Variants in PLAGL1 observed in about 807,000 individuals in gnomAD.
PLAGL1 encodes zinc finger protein PLAGL1.
PLAGL1 carries 1 observed loss-of-function variant against 4.6 expected under a neutral mutation model. That is an observed-to-expected ratio of 0.22 (90% CI 0.08 to 1.03). The LOEUF is 1.03. Ranked by LOEUF, PLAGL1 falls within the 50% of genes least tolerant of loss-of-function variation. PLAGL1 has a pLI of 0.58. For missense variants in PLAGL1, 464 were observed against 570.4 expected, an observed-to-expected ratio of 0.81 and a Z score of 1.90; for synonymous variants, 240 against 237.8, an observed-to-expected ratio of 1.01 and a Z score of -0.08.
rs1452663052 is a variant in PLAGL1 at position 143,989,373 on chromosome 6, C to T, written c.-583-4199G>A. Among the ~76,000 whole-genome samples the T allele has an allele frequency of 6.6e-6, 1 of 152,196 alleles. No homozygotes were observed. The highest frequency in any genetic ancestry group is 1.5e-5 in the Non-Finnish European group (1 of 68,028). On this transcript the variant is annotated intron_variant, in intron 1 of 7. Transcript: ENST00000674357. The surrounding 1 kb of genome is among the most constrained non-coding windows in gnomAD (Gnocchi z 4.8). ...CAGGTATTTCTGGATGAAATCAACA[C>T]TTGTGTTGGTGGAGTTCGGAGCATA...
rs1583916809 is a variant in PLAGL1 at position 144,057,975 on chromosome 6, T to A, written c.-151+6493A>T. Among the ~76,000 whole-genome samples the A allele has an allele frequency of 2.0e-5, 3 of 152,288 alleles. No homozygotes were observed. In the South Asian group the frequency reaches 6.2e-4, roughly 32 times the overall value. The stretch of plus-strand genomic sequence containing the variant: ...CATCTCTAATAAGATTGACTCCAAA[T>A]TTATACACCTATACTAAAGCTAAAA... On this transcript the variant is annotated intron_variant, in intron 1 of 3. Coordinates refer to the PLAGL1 transcript ENST00000437412.
In PLAGL1 at chr6:144,025,035, G is replaced by A. The variant is rs993747567; in HGVS notation, c.-151+39433C>T. On this transcript the variant is annotated intron_variant, in intron 1 of 3. Transcript: ENST00000437412. The stretch of plus-strand genomic sequence containing the variant: ...GCATGTACAGCCCTCCTTCCAAAGT[G>A]TACATTATAGAGGGGGGAGGGGTGA... Among the ~76,000 whole-genome samples, 7 of 152,102 alleles carry A rather than the reference G, an allele frequency of 4.6e-5. No homozygotes were observed. The East Asian group carries it at 1.2e-3, about 25-fold the overall frequency.
rs2128548989 is a variant in PLAGL1 at position 143,957,916 on chromosome 6, T to G, written c.-325+2553A>C. On this transcript the variant is annotated intron_variant, in intron 6 of 7. Coordinates refer to ENST00000674357, the MANE Select transcript of PLAGL1 (RefSeq NM_001317162.2). This position sits in a 1 kb window ranked among gnomAD's most constrained non-coding sequence, Gnocchi z 4.2. ...TGTTTATTTTTTGAATATCTGCACTTTCTAAAGTTTGATAATGACTACTTA... is the reference window on the plus strand; with the variant it reads ...TGTTTATTTTTTGAATATCTGCACTGTCTAAAGTTTGATAATGACTACTTA... Among the ~76,000 whole-genome samples the G allele has an allele frequency of 6.6e-6, 1 of 152,362 alleles. No homozygotes were observed. The highest frequency in any genetic ancestry group is 6.5e-5 in the Admixed American group (1 of 15,310).
At chr6:143,999,242 G>T (rs773334889) in intron 1 of PLAGL1, among the ~76,000 whole-genome samples, 3 of 152,114 alleles carry the variant, frequency 2.0e-5, no homozygotes, top group Non-Finnish European at 4.4e-5. Context: ...TTCCCTGAAT[G>T]ATATAAATAG....
In PLAGL1 at chr6:144,036,911, T is replaced by TG. The variant is rs1394374945; in HGVS notation, c.-151+27556dup. The TG allele has an allele frequency of 4.3e-6, 1 of 231,426 alleles. No homozygotes were observed. Among genetic ancestry groups the TG allele is most frequent in the Non-Finnish European group, 8.8e-6 (1 of 114,050 alleles). The allele number at this position is 231,426 out of a possible 1,614,324, so 14.3% of individuals were successfully genotyped here. ...AAATCATAAAAGGACCAGACATTGC[T>TG]GTGATGAATTATATGCCCTGGAGAG... On this transcript the variant is annotated intron_variant, in intron 1 of 3. Transcript: ENST00000437412. The surrounding 1 kb of genome is among the most constrained non-coding windows in gnomAD (Gnocchi z 5.1).
At position 143,971,205 on chromosome 6, in the gene PLAGL1, C is replaced by T. The variant is rs999495802; in HGVS notation, c.-543-2227G>A. ...GAAATCTAAAATCTCAGAATCACAT[C>T]CCGCTGACCCGACGTTATTTGTACA... On this transcript the variant is annotated intron_variant, in intron 2 of 7. Coordinates refer to ENST00000674357, the MANE Select transcript of PLAGL1 (RefSeq NM_001317162.2). This position sits in a 1 kb window ranked among gnomAD's most constrained non-coding sequence, Gnocchi z 4.7. Among the ~76,000 whole-genome samples, 3 of 151,966 alleles carry T rather than the reference C, an allele frequency of 2.0e-5. No homozygotes were observed. The highest frequency in any genetic ancestry group is 2.9e-5 in the Non-Finnish European group (2 of 67,980).
At chr6:144,025,195 A>G (rs988067532) in intron 1 of PLAGL1, among the ~76,000 whole-genome samples, 2 of 152,210 alleles carry the variant, frequency 1.3e-5, no homozygotes, top group African/African-American at 4.8e-5. Context: ...CAGTCTAACC[A>G]TAAGAAAAAA....
rs1778344364 is a variant in PLAGL1, at chr6:143,940,466, CTTTT to C, written c.*954_*957del. Reference sequence around the variant, plus strand: ...TAGTTACATTGTAAAACGTAATCTTCTTTTAATAAAAGCTAATAATGACTGATGA... The same window carrying C: ...TAGTTACATTGTAAAACGTAATCTTCAATAAAAGCTAATAATGACTGATGA... On this transcript the variant is annotated 3_prime_UTR_variant, in exon 8 of 8. Coordinates refer to ENST00000674357, the MANE Select transcript of PLAGL1 (RefSeq NM_001317162.2). The C allele has an allele frequency of 6.6e-6, 1 of 152,128 alleles. No individual in the cohort carries two copies. The highest frequency in any genetic ancestry group is 2.4e-5 in the African/African-American group (1 of 41,418). 9.4% of individuals were successfully genotyped at this position (152,128 alleles called of 1,614,324 possible). A position where few individuals can be genotyped will look rare whatever the true frequency, so the allele number is the denominator to read the frequency against.
chr6:144,001,900 G>A (rs1792976058), intron 1 of PLAGL1, among the ~76,000 whole-genome samples: 1 of 152,042 alleles, frequency 6.6e-6, no homozygotes, highest in African/African-American at 2.4e-5. Flanking sequence ...AAAGTGACAA[G>A]ATATGAAAGA....
rs1452737486 is a variant in PLAGL1 at position 143,961,769 on chromosome 6, CA to C, written c.-398-1228del. Among the ~76,000 whole-genome samples the C allele has an allele frequency of 6.6e-6, 1 of 152,080 alleles. No individual in the cohort carries two copies. Among genetic ancestry groups the C allele is most frequent in the South Asian group, 2.1e-4 (1 of 4,832 alleles). ...AAAGAGCTTTAAAAAGACATTAAAG[CA>C]AAAGAGTAAAATTCTTCCGGATGAT... On this transcript the variant is annotated intron_variant, in intron 5 of 7. Transcript: ENST00000674357. The surrounding 1 kb of genome is among the most constrained non-coding windows in gnomAD (Gnocchi z 6.5).
chr6:143,992,294 T>C (rs1790649010), intron 1 of PLAGL1, among the ~76,000 whole-genome samples: 1 of 152,324 alleles, frequency 6.6e-6, no homozygotes. Flanking sequence ...TTCCAGAAAG[T>C]GTACAATGAC....
rs1253308043 is a variant in PLAGL1, at chr6:143,982,503, G to A, written c.-544+2632C>T. Among the ~76,000 whole-genome samples the A allele has an allele frequency of 6.6e-6, 1 of 152,136 alleles. No individual in the cohort carries two copies. The highest frequency in any genetic ancestry group is 6.6e-5 in the Admixed American group (1 of 15,258). ...AGACACTGGAGCAGAAAAGTAACAC[G>A]ATCAGACTTAACAGTTTTAAATAAT... On this transcript the variant is annotated intron_variant, in intron 2 of 7. Coordinates refer to ENST00000674357, the MANE Select transcript of PLAGL1 (RefSeq NM_001317162.2). This position sits in a 1 kb window ranked among gnomAD's most constrained non-coding sequence, Gnocchi z 5.3.
chr6:143,956,686 C>T (rs376822748), intron 6 of PLAGL1, among the ~76,000 whole-genome samples: 1 of 152,240 alleles, frequency 6.6e-6, no homozygotes, highest in East Asian at 1.9e-4. Flanking sequence ...TAGCCCCTGA[C>T]TGCATCTACA....
Position 144,008,025 on chromosome 6 carries a change from C to G in PLAGL1, c.-584+65G>C, listed in dbSNP as rs966832737. ...CGAACCCAGCGCCGTCCTCGCAGCG[C>G]GGCAATGCACGGCCACCGCTGCCCC... On this transcript the variant is annotated intron_variant, in intron 1 of 7. Transcript: ENST00000674357. The surrounding 1 kb of genome is among the most constrained non-coding windows in gnomAD (Gnocchi z 6.9). The G allele has an allele frequency of 2.0e-5, 3 of 151,780 alleles. No homozygotes were observed. Among genetic ancestry groups the G allele is most frequent in the Non-Finnish European group, 4.4e-5 (3 of 67,960 alleles). 9.4% of individuals were successfully genotyped at this position (151,780 alleles called of 1,614,324 possible). A position where few individuals can be genotyped will look rare whatever the true frequency, so the allele number is the denominator to read the frequency against.
rs548730541 is a variant in PLAGL1 at position 143,954,704 on chromosome 6, T to C, written c.-325+5765A>G. ...CTATTATCATTGCTTGCATGAAACA[T>C]TCATGTATTAGAAGTCATGGATAAT... On this transcript the variant is annotated intron_variant, in intron 6 of 7. Coordinates refer to ENST00000674357, the MANE Select transcript of PLAGL1 (RefSeq NM_001317162.2). This position sits in a 1 kb window ranked among gnomAD's most constrained non-coding sequence, Gnocchi z 5.1. 2.0e-5 allele frequency among the ~76,000 whole-genome samples: 3 copies of C among 152,318 alleles called. No individual in the cohort carries two copies. In the South Asian group the frequency reaches 6.2e-4, roughly 32 times the overall value.
rs181344258 is a variant in PLAGL1, at chr6:143,997,826, G to C, written c.-584+10264C>G. Among the ~76,000 whole-genome samples, 1 of 152,302 alleles carries C rather than the reference G, an allele frequency of 6.6e-6. No homozygotes were observed. The highest frequency in any genetic ancestry group is 1.5e-5 in the Non-Finnish European group (1 of 68,026). ...TCCTCGATGGATGTAATATTGTCTA[G>C]CTTGCTCTTGAATGTGGTTACACAG... On this transcript the variant is annotated intron_variant, in intron 1 of 7. Coordinates refer to ENST00000674357, the MANE Select transcript of PLAGL1 (RefSeq NM_001317162.2). The surrounding 1 kb of genome is among the most constrained non-coding windows in gnomAD (Gnocchi z 4.6).
intron 7 of PLAGL1, among the ~76,000 whole-genome samples, chr6:143,946,009 C>T (rs1413147387): frequency 1.3e-5 from 2 of 152,000 alleles, no homozygotes; most frequent in South Asian, 2.1e-4. Flanking sequence ...TCTTTTTCAG[C>T]GCAGTTTACC....
rs758515801 is a variant in PLAGL1, at chr6:143,971,414, T to C, written c.-543-2436A>G. On this transcript the variant is annotated intron_variant, in intron 2 of 7. Transcript: ENST00000674357. This position sits in a 1 kb window ranked among gnomAD's most constrained non-coding sequence, Gnocchi z 4.7. ...GGAGAGTAAAGTATTAGCCCGTTCCTGTACTTGTCTGCTTACTTACTCCCT... is the reference window on the plus strand; with the variant it reads ...GGAGAGTAAAGTATTAGCCCGTTCCCGTACTTGTCTGCTTACTTACTCCCT... Among the ~76,000 whole-genome samples, 2 of 152,238 alleles carry C rather than the reference T, an allele frequency of 1.3e-5. No individual in the cohort carries two copies. The highest frequency in any genetic ancestry group is 2.9e-5 in the Non-Finnish European group (2 of 68,034).
At chr6:143,969,086 A>G (rs544903028) in intron 2 of PLAGL1, 108 bp from the exon 3 acceptor site, 1 of 152,228 alleles carries the variant, frequency 6.6e-6, no homozygotes, top group East Asian at 1.9e-4. Flanking sequence ...GAGTTCAAGG[A>G]TACCAGGGGT....
Sources: allele counts gnomAD v4.1 joint callset (sites outside exome capture counted in the v4.1 genomes callset), GRCh38; gene constraint gnomAD v4.1.1; non-coding constraint Gnocchi (gnomAD v3.1); transcripts MANE v1.5; gene names NCBI Gene and HGNC (gene_info 2026-07-23, HGNC 2026-07-21).